Variants in UBL5 observed in about 807,000 individuals in gnomAD.
The protein encoded by UBL5 is ubiquitin like 5.
In UBL5, 13 loss-of-function variants were observed where a neutral mutation model predicts 11.7. That is an observed-to-expected ratio of 1.11 (90% CI 0.73 to 1.77). The LOEUF (loss-of-function observed/expected upper bound fraction) is 1.77. Among genes scored for constraint, UBL5 ranks in the 40% most tolerant of loss-of-function variants. The pLI is 0.00. For synonymous variants in UBL5, 28 were observed against 34.7 expected (o/e 0.81, Z 0.68); for missense variants, 58 against 92.3 (o/e 0.63, Z 1.52).
chr19:9,829,612 C>T (rs1438353247), intron 4 of UBL5: 1 of 216,842 alleles, frequency 4.6e-6, no homozygotes, highest in African/African-American at 2.3e-5. Flanking sequence ...TTTCCTGTCT[C>T]AGCCTTCCAA....
In UBL5 at chr19:9,828,819, A is replaced by G. The variant is rs776832523; in HGVS notation, c.141-18A>G. On this transcript the variant is annotated intron_variant, in intron 3 of 4. Transcript: ENST00000586895. The stretch of plus-strand genomic sequence containing the variant: ...AGAGCCTCCTTAGCCTTATCTCTGA[A>G]ATGTCTCTTTTTCTTAGGTACACGA... 1 of 1,613,934 alleles carries G rather than the reference A, an allele frequency of 6.2e-7. No individual in the cohort carries two copies. The highest frequency in any genetic ancestry group is 8.5e-7 in the Non-Finnish European group (1 of 1,179,874).
chr19:9,829,015 G>A, intron 4 of UBL5, 141 bp downstream of exon 4: 2 of 802,798 alleles, frequency 2.5e-6, no homozygotes, highest in South Asian at 1.5e-5. Context: ...GAAAATGGGA[G>A]CTAGGTAATT....
intron 4 of UBL5, chr19:9,829,144 T>C (rs1419154842): frequency 8.0e-6 from 4 of 500,120 alleles, no homozygotes; most frequent in Admixed American, 3.4e-5. Flanking sequence ...CTCAGGCATA[T>C]CTATTGTGCA....
At chr19:9,828,181 C>CG (rs1174922487) in intron 1 of UBL5, 146 bp from the exon 2 acceptor site, 3 of 755,388 alleles carry the variant, frequency 4.0e-6, no homozygotes, top group Non-Finnish European at 6.6e-6. Context: ...TATTCGAGTC[C>CG]GGGGGGTTGG....
intron 2 of UBL5, 38 bp downstream of exon 2, chr19:9,828,431 G>C: frequency 6.2e-7 from 1 of 1,613,772 alleles, no homozygotes; most frequent in East Asian, 2.2e-5. Context: ...GTACCCGCAG[G>C]GGTGCTTGGC....
rs917037088 is a variant in UBL5, at chr19:9,828,455, C to T, written c.56+62C>T. On this transcript the variant is annotated intron_variant, in intron 2 of 4. Coordinates refer to ENST00000586895, the MANE Select transcript of UBL5 (RefSeq NM_001048241.3). ...GGGGTGCTTGGCGTGAGGCAGGCAACTCAATCTGTGTTGTCGGATGGTTTT... is the reference window on the plus strand; with the variant it reads ...GGGGTGCTTGGCGTGAGGCAGGCAATTCAATCTGTGTTGTCGGATGGTTTT... The T allele has an allele frequency of 5.0e-6, 8 of 1,610,578 alleles. No individual in the cohort carries two copies. The African/African-American group carries it at 1.1e-4, about 22-fold the overall frequency.
rs764271864 is a variant in UBL5 at position 9,828,625 on chromosome 19, G to A, written c.90G>A (p.Leu30=). Residue 30 remains leucine (L), a synonymous_variant, in exon 3 of 5, where the codon CTG becomes CTA. Transcript: ENST00000586895. ...ATACCATCGGGGACCTTAAGAAGCT[G>A]ATTGCAGCCCAAACTGGTACCCGTT... ...TDDTIGDLKK[L]IAAQTGTRWN... is the part of the protein sequence containing the mutation. 2.5e-6 allele frequency: 4 copies of A among 1,614,088 alleles called. No individual in the cohort carries two copies. Among genetic ancestry groups the A allele is most frequent in the Non-Finnish European group, 3.4e-6 (4 of 1,180,040 alleles).
At chr19:9,829,788 C>A in intron 4 of UBL5, 177 bp from the exon 5 acceptor site, 1 of 638,404 alleles carries the variant, frequency 1.6e-6, no homozygotes, top group Non-Finnish European at 2.7e-6. Flanking sequence ...TGAGCCACTG[C>A]ACCCAGCCAG....
At position 9,830,018 on chromosome 19, in the gene UBL5, C is replaced by G. The variant is rs1454609877; in HGVS notation, c.*10C>G. ...GCTTTATTATCAATAGATGAGAATC[C>G]TCATCTTCCTGCCCCGCTTTCCTCT... On this transcript the variant is annotated 3_prime_UTR_variant, in exon 5 of 5. Coordinates refer to ENST00000586895, the MANE Select transcript of UBL5 (RefSeq NM_001048241.3). 1 of 1,613,894 alleles carries G rather than the reference C, an allele frequency of 6.2e-7. No individual in the cohort carries two copies. Among genetic ancestry groups the G allele is most frequent in the East Asian group, 2.2e-5 (1 of 44,882 alleles).
chr19:9,828,783 C>T, intron 3 of UBL5, 54 bp from the exon 4 acceptor site: 3 of 1,612,096 alleles, frequency 1.9e-6, no homozygotes, highest in Non-Finnish European at 8.5e-7. Context: ...CTCATTTGGC[C>T]TACAGACTGA....
chr19:9,829,473 G>A (rs1330255547), intron 4 of UBL5: 1 of 161,062 alleles, frequency 6.2e-6, no homozygotes, highest in East Asian at 1.8e-4. Context: ...GAGCCACTGT[G>A]CCTGGCCTAG....
At position 9,828,687 on chromosome 19, in the gene UBL5, G is replaced by C. The variant is rs754723216; in HGVS notation, c.140+12G>C. 1.2e-6 allele frequency: 2 copies of C among 1,614,244 alleles called. No homozygotes were observed. The highest frequency in any genetic ancestry group is 1.1e-5 in the South Asian group (1 of 91,090). ...GTCCTGAAGAAGTGGTGAGTGCAGCGGTAGAGCCACTGGGTGGACTGGACT... is the reference window on the plus strand; with the variant it reads ...GTCCTGAAGAAGTGGTGAGTGCAGCCGTAGAGCCACTGGGTGGACTGGACT... On this transcript the variant is annotated intron_variant, in intron 3 of 4. Coordinates refer to ENST00000586895, the MANE Select transcript of UBL5 (RefSeq NM_001048241.3).
intron 1 of UBL5, 91 bp downstream of exon 1, chr19:9,828,075 G>A: frequency 1.7e-6 from 1 of 580,936 alleles, no homozygotes; most frequent in Middle Eastern, 4.6e-4. Flanking sequence ...GTGAGGCCAG[G>A]GAGTTTTGTG....
At chr19:9,829,723 C>G in intron 4 of UBL5, 1 of 484,148 alleles carries the variant, frequency 2.1e-6, no homozygotes, top group South Asian at 2.7e-5. Flanking sequence ...TCTCAAACTC[C>G]TGACGTCAAG....
intron 2 of UBL5, 88 bp downstream of exon 2, chr19:9,828,481 A>G: frequency 6.2e-7 from 1 of 1,608,472 alleles, no homozygotes; most frequent in Non-Finnish European, 8.5e-7. Flanking sequence ...GGATGGTTTT[A>G]GTTAAACCCG....
chr19:9,828,738 G>A, intron 3 of UBL5, 63 bp downstream of exon 3: 2 of 1,611,942 alleles, frequency 1.2e-6, no homozygotes, highest in Non-Finnish European at 1.7e-6. Flanking sequence ...GGTTGGGGGA[G>A]CGCTGCAGGC....
Position 9,828,581 on chromosome 19 carries a change from T to C in UBL5, c.57-11T>C. 1 of 1,614,168 alleles carries C rather than the reference T, an allele frequency of 6.2e-7. No individual in the cohort carries two copies. Among genetic ancestry groups the C allele is most frequent in the Non-Finnish European group, 8.5e-7 (1 of 1,180,020 alleles). On this transcript the variant is annotated splice_polypyrimidine_tract_variant and intron_variant, in intron 2 of 4. Transcript: ENST00000586895. ...TACCGCTTCCATTTGCCTTAACTGCTCTGCGCCCAGCACGGATGATACCAT... is the reference window on the plus strand; with the variant it reads ...TACCGCTTCCATTTGCCTTAACTGCCCTGCGCCCAGCACGGATGATACCAT...
At chr19:9,828,753 CT>C in intron 3 of UBL5, 78 bp downstream of exon 3, 1 of 1,610,590 alleles carries the variant, frequency 6.2e-7, no homozygotes, top group East Asian at 2.2e-5. Flanking sequence ...GCAGGCAGCC[CT>C]TTGCTTAGGC....
chr19:9,828,833 T>G lies in UBL5; in HGVS notation c.141-4T>G. The G allele has an allele frequency of 1.2e-6, 2 of 1,614,176 alleles. No individual in the cohort carries two copies. Among genetic ancestry groups the G allele is most frequent in the Non-Finnish European group, 1.7e-6 (2 of 1,179,998 alleles). ...CTTATCTCTGAAATGTCTCTTTTTC[T>G]TAGGTACACGATTTTTAAGGACCAC... On this transcript the variant is annotated splice_region_variant and splice_polypyrimidine_tract_variant and intron_variant, in intron 3 of 4. Coordinates refer to ENST00000586895, the MANE Select transcript of UBL5 (RefSeq NM_001048241.3).
Sources: gnomAD v4.1 joint callset for allele counts on GRCh38, gnomAD v4.1.1 for gene constraint, MANE v1.5 for transcripts, NCBI Gene and HGNC (gene_info 2026-07-23, HGNC 2026-07-21) for gene names.